RBM4: variants seen among roughly 807,000 people sequenced by gnomAD.
RBM4 encodes RNA-binding protein 4.
Under a neutral mutation model 29.5 loss-of-function variants are expected in RBM4, and 7 were observed. That is an observed-to-expected ratio of 0.24 (90% CI 0.14 to 0.45). RBM4 has a LOEUF of 0.45. Among genes scored for constraint, RBM4 ranks in the 20% least tolerant of loss-of-function variants. The probability of loss-of-function intolerance (pLI) is 1.00; values close to 1 mark genes in which losing one functional copy is unlikely to be tolerated. For missense variants in RBM4, 387 were observed against 502.3 expected (o/e 0.77, Z 2.19); for synonymous variants, 220 against 205.4 (o/e 1.07, Z -0.61).
rs1938563292 is a variant in RBM4 at position 66,643,648 on chromosome 11, G to A, written c.611G>A (p.Ser204Asn). Reference protein sequence around the residue: ...YGAVRTPYTMSYGDSLYYNNA... With the variant: ...YGAVRTPYTMNYGDSLYYNNA... Reference sequence around the variant, plus strand: ...GCAGTGCGTACGCCTTACACCATGAGCTATGGGGATTCATTGTATTACAAC... The same window carrying A: ...GCAGTGCGTACGCCTTACACCATGAACTATGGGGATTCATTGTATTACAAC... The change falls in exon 3 of 4, where the codon AGC (serine) becomes AAC (asparagine). Residue 204 changes from serine to asparagine, a missense_variant. Coordinates refer to ENST00000310092, the MANE Select transcript of RBM4 (RefSeq NM_002896.4). The surrounding 1 kb of genome is among the most constrained non-coding windows in gnomAD (Gnocchi z 6.1). The A allele has an allele frequency of 6.2e-7, 1 of 1,614,038 alleles. No homozygotes were observed. The highest frequency in any genetic ancestry group is 8.5e-7 in the Non-Finnish European group (1 of 1,180,046).
exon 3 of RBM4, chr11:66,666,217 T>A (rs1255762831): frequency 2.3e-6 from 2 of 878,396 alleles, no homozygotes; most frequent in African/African-American, 3.5e-5. Context: ...AATCCTTCTA[T>A]TGATGATGGG....
At chr11:66,642,878 G>T (rs556269963) in intron 2 of RBM4, among the ~76,000 whole-genome samples, 1 of 152,326 alleles carries the variant, frequency 6.6e-6, no homozygotes, top group East Asian at 1.9e-4. Context: ...GTGCCCCTCT[G>T]TCTCCCCAGT....
chr11:66,657,828 A>G (rs1376221464), intron 2 of RBM4, among the ~76,000 whole-genome samples: 2 of 151,438 alleles, frequency 1.3e-5, no homozygotes, highest in African/African-American at 4.8e-5. Flanking sequence ...GGCTCAAGCA[A>G]TTCTCTCACC....
rs774998929 is a variant in RBM4, at chr11:66,639,691, C to T, written c.-12-9C>T. ...GTCTTTTGTCAGATGTCTTGTTTTTCTCTCCCAGGCTCTTGTCAGGATGGT... is the reference window on the plus strand; with the variant it reads ...GTCTTTTGTCAGATGTCTTGTTTTTTTCTCCCAGGCTCTTGTCAGGATGGT... On this transcript the variant is annotated splice_polypyrimidine_tract_variant and intron_variant, in intron 1 of 3. Coordinates refer to ENST00000310092, the MANE Select transcript of RBM4 (RefSeq NM_002896.4). 1.9e-6 allele frequency: 3 copies of T among 1,605,306 alleles called. No homozygotes were observed. The highest frequency in any genetic ancestry group is 2.2e-5 in the South Asian group (2 of 90,542).
rs1193043939 is a variant in RBM4, at chr11:66,644,180, C to G, written c.*8+40C>G. 3 of 1,573,402 alleles carry G rather than the reference C, an allele frequency of 1.9e-6. No individual in the cohort carries two copies. In the African/African-American group the frequency reaches 4.0e-5, roughly 21 times the overall value. ...GTGTTCCCTCTTCTGGTTTTGCCAT[C>G]CCTCCTGCAGCCTAAAGGGCTCCAA... On this transcript the variant is annotated intron_variant, in intron 3 of 3. Transcript: ENST00000310092.
chr11:66,657,108 C>CTTTTTTT (rs748071140), intron 2 of RBM4, among the ~76,000 whole-genome samples: 5 of 93,438 alleles, frequency 5.4e-5, no homozygotes, highest in African/African-American at 9.2e-5. Flanking sequence ...ATTTTTTAGT[C>CTTTTTTT]TTTTTTTTTT....
chr11:66,660,127 G>GC (rs1475710145), intron 2 of RBM4, among the ~76,000 whole-genome samples: 259 of 142,324 alleles, frequency 1.8e-3, no homozygotes, highest in African/African-American at 6.2e-3. Flanking sequence ...CTGCCTCAGG[G>GC]CCTTTTTTTT....
intron 2 of RBM4, among the ~76,000 whole-genome samples, chr11:66,654,250 G>A (rs1938896539): frequency 6.6e-6 from 1 of 152,012 alleles, no homozygotes; most frequent in African/African-American, 2.4e-5. Flanking sequence ...CCAGCACTTT[G>A]GGAGGCTGAG....
At chr11:66,639,500 T>G (rs184498080) in intron 1 of RBM4, 200 bp from the exon 2 acceptor site, 21 of 678,288 alleles carry the variant, frequency 3.1e-5, no homozygotes, top group African/African-American at 1.3e-4. Flanking sequence ...TGCAGACGTC[T>G]TCTTATTCTT....
intron 2 of RBM4, chr11:66,640,383 C>T (rs1019259423): frequency 1.1e-5 from 6 of 550,264 alleles, no homozygotes; most frequent in African/African-American, 7.6e-5. Flanking sequence ...TGCAGAAACC[C>T]TTTTCTTTGA....
At chr11:66,639,450 G>T in intron 1 of RBM4, 1 of 520,562 alleles carries the variant, frequency 1.9e-6, no homozygotes, top group South Asian at 2.9e-5. Context: ...GGAAGGTATC[G>T]GTTCTTACCA....
chr11:66,655,164 T>A, intron 2 of RBM4, among the ~76,000 whole-genome samples: 1 of 152,168 alleles, frequency 6.6e-6, no homozygotes, highest in Middle Eastern at 3.2e-3. Context: ...TTTTGTATTT[T>A]TAGTAGGGAT....
intron 1 of RBM4, chr11:66,639,456 T>C: frequency 1.8e-6 from 1 of 563,788 alleles, no homozygotes; most frequent in Admixed American, 3.3e-5. Flanking sequence ...TATCGGTTCT[T>C]ACCAAACCCT....
chr11:66,665,266 A>G (rs1939182641), intron 2 of RBM4: 2 of 374,082 alleles, frequency 5.3e-6, no homozygotes, highest in Admixed American at 4.4e-5. Flanking sequence ...AGGCAGGGAG[A>G]AGGATTCAAC....
downstream of RBM4, chr11:66,646,612 T>G (rs1394914381): frequency 1.0e-6 from 1 of 957,388 alleles, no homozygotes; most frequent in African/African-American, 1.8e-5. Context: ...GTAGGACTTG[T>G]AGGTGCCAGA....
At chr11:66,655,592 A>G (rs1938934395) in intron 2 of RBM4, among the ~76,000 whole-genome samples, 1 of 152,116 alleles carries the variant, frequency 6.6e-6, no homozygotes, top group Admixed American at 6.5e-5. Flanking sequence ...GGCCTCTTTT[A>G]AAAAAGTGAG....
chr11:66,659,839 T>C (rs1939040257), intron 2 of RBM4, among the ~76,000 whole-genome samples: 1 of 152,202 alleles, frequency 6.6e-6, no homozygotes, highest in Non-Finnish European at 1.5e-5. Flanking sequence ...TACAGTGACC[T>C]CCAGGTCCAT....
chr11:66,658,132 G>A (rs931071865), intron 2 of RBM4, among the ~76,000 whole-genome samples: 13 of 151,252 alleles, frequency 8.6e-5, no homozygotes, highest in Non-Finnish European at 5.9e-5. Flanking sequence ...GGATTCAAGC[G>A]ATTCTGCTGC....
chr11:66,664,618 G>A (rs1939161883), intron 2 of RBM4, among the ~76,000 whole-genome samples: 1 of 151,960 alleles, frequency 6.6e-6, no homozygotes, highest in African/African-American at 2.4e-5. Context: ...CTGCCACCAC[G>A]CCCAGCTAAT....
Sources: gnomAD v4.1 joint callset for allele counts (sites outside exome capture counted in the v4.1 genomes callset) on GRCh38, gnomAD v4.1.1 for gene constraint, Gnocchi (gnomAD v3.1) non-coding constraint, MANE v1.5 for transcripts, NCBI Gene and HGNC (gene_info 2026-07-23, HGNC 2026-07-21) for gene names.